FHIT: variants seen among roughly 807,000 people sequenced by gnomAD.
The protein encoded by FHIT is bis(5'-adenosyl)-triphosphatase.
A neutral mutation model predicts 17.9 loss-of-function variants in FHIT; 19 were observed. The ratio of observed to expected loss-of-function variants is 1.06; its 90% CI spans 0.74 to 1.56. The LOEUF is 1.56. Ranked by LOEUF, FHIT falls within the 40% of genes most tolerant of loss-of-function variation. The probability of loss-of-function intolerance (pLI) is 0.00; values close to 1 mark genes in which losing one functional copy is unlikely to be tolerated. For missense variants in FHIT, 248 were observed against 189.2 expected (o/e 1.31, Z -1.82); for synonymous variants, 81 against 69.7 (o/e 1.16, Z -0.81).
chr3:59,855,309 G>C (rs1485959877), intron 8 of FHIT, among the ~76,000 whole-genome samples: 1 of 152,062 alleles, frequency 6.6e-6, no homozygotes. Context: ...TATCCATGTT[G>C]TCCTCCCCCA....
At chr3:60,915,371 G>T (rs1280496589) in intron 3 of FHIT, among the ~76,000 whole-genome samples, 1 of 152,148 alleles carries the variant, frequency 6.6e-6, no homozygotes, top group East Asian at 1.9e-4. Flanking sequence ...TGGGGAAGAA[G>T]AGGGCTTATT....
chr3:60,720,460 A>T (rs2041783599), intron 4 of FHIT, among the ~76,000 whole-genome samples: 1 of 152,314 alleles, frequency 6.6e-6, no homozygotes, highest in East Asian at 1.9e-4. Context: ...ATCATTTAGC[A>T]CAGTGCCTGG....
intron 4 of FHIT, among the ~76,000 whole-genome samples, chr3:60,626,789 T>TTC (rs1315062518): frequency 1.6e-5 from 1 of 62,988 alleles, no homozygotes; most frequent in East Asian, 7.6e-4. Flanking sequence ...AACACTCTTT[T>TTC]TTTTTTTTTT....
Position 61,142,470 on chromosome 3 carries a change from G to C in FHIT, c.-164+58147C>G, listed in dbSNP as rs1396125165. 4.8e-5 allele frequency among the ~76,000 whole-genome samples: 7 copies of C among 144,366 alleles called. 1 individual carries two copies. The highest frequency in any genetic ancestry group is 1.1e-4 in the Non-Finnish European group (7 of 63,044). The allele number at this position is 144,366 out of a possible 152,430, so 94.7% of individuals were successfully genotyped here. A position where few individuals can be genotyped will look rare whatever the true frequency, so the allele number is the denominator to read the frequency against. Reference sequence around the variant, plus strand: ...TCACTGAGGTGGGAAAAAGATACCAGGGTTCTACTTTAGACTGCTAACCTG... The same window carrying C: ...TCACTGAGGTGGGAAAAAGATACCACGGTTCTACTTTAGACTGCTAACCTG... On this transcript the variant is annotated intron_variant, in intron 2 of 9. Coordinates refer to ENST00000492590, the MANE Select transcript of FHIT (RefSeq NM_002012.4).
rs1300249912 is a variant in FHIT at position 60,134,996 on chromosome 3, A to G, written c.104-120844T>C. Among the ~76,000 whole-genome samples, 7 of 152,192 alleles carry G rather than the reference A, an allele frequency of 4.6e-5. 1 individual carries two copies. Among genetic ancestry groups the G allele is most frequent in the Middle Eastern group, 6.8e-3 (2 of 294 alleles). Reference sequence around the variant, plus strand: ...AAAAAGGGGGGAGGGAGGAAAGGAGATGAAAAAGGATAGAAGAGAAAGGGA... The same window carrying G: ...AAAAAGGGGGGAGGGAGGAAAGGAGGTGAAAAAGGATAGAAGAGAAAGGGA... On this transcript the variant is annotated intron_variant, in intron 5 of 9. Coordinates refer to ENST00000492590, the MANE Select transcript of FHIT (RefSeq NM_002012.4).
chr3:60,237,844 A>G (rs1704887324), intron 5 of FHIT, among the ~76,000 whole-genome samples: 1 of 152,146 alleles, frequency 6.6e-6, no homozygotes, highest in Non-Finnish European at 1.5e-5. Context: ...GTAGAAATTA[A>G]GAATTTGTGG....
At chr3:60,706,964 G>A (rs1184737540) in intron 4 of FHIT, among the ~76,000 whole-genome samples, 1 of 152,194 alleles carries the variant, frequency 6.6e-6, no homozygotes. Flanking sequence ...CATCCAGCCT[G>A]CTCCATGCAG....
intron 8 of FHIT, among the ~76,000 whole-genome samples, chr3:59,786,860 G>T (rs1699328988): frequency 6.6e-6 from 1 of 152,232 alleles, no homozygotes. Flanking sequence ...ACACCTCATT[G>T]AAGAAATCAA....
intron 5 of FHIT, among the ~76,000 whole-genome samples, chr3:60,379,223 G>C (rs1049713552): frequency 2.0e-5 from 3 of 152,080 alleles, no homozygotes; most frequent in Admixed American, 2.0e-4. Flanking sequence ...ATATGAAATA[G>C]ATTTCATTCT....
chr3:60,802,652 T>A (rs1003195183), intron 4 of FHIT, among the ~76,000 whole-genome samples: 2 of 151,904 alleles, frequency 1.3e-5, no homozygotes, highest in African/African-American at 4.9e-5. Context: ...AAGAAACAAA[T>A]TCCTGCCCTG....
intron 5 of FHIT, among the ~76,000 whole-genome samples, chr3:60,308,009 A>T (rs1258240413): frequency 6.6e-6 from 1 of 152,162 alleles, no homozygotes; most frequent in Admixed American, 6.5e-5. Context: ...TCATAATGTC[A>T]TTTGGAGGTA....
At chr3:60,192,084 C>A (rs890617658) in intron 5 of FHIT, among the ~76,000 whole-genome samples, 6 of 151,850 alleles carry the variant, frequency 4.0e-5, no homozygotes, top group African/African-American at 1.5e-4. Flanking sequence ...AACCCTGTCT[C>A]TACCAAAAAT....
chr3:60,537,501 T>A (rs1030501723), intron 4 of FHIT: 1 of 977,102 alleles, frequency 1.0e-6, no homozygotes, highest in Non-Finnish European at 1.2e-6. Flanking sequence ...CAGAGAACTA[T>A]TCTAGTAAAA....
chr3:59,763,260 T>C (rs975390013), intron 8 of FHIT, among the ~76,000 whole-genome samples: 3 of 152,232 alleles, frequency 2.0e-5, no homozygotes, highest in African/African-American at 7.2e-5. Context: ...GGAAGCACAG[T>C]GTAGGCAAGG....
intron 8 of FHIT, among the ~76,000 whole-genome samples, chr3:59,887,808 G>A (rs1210181058): frequency 2.0e-5 from 3 of 152,088 alleles, no homozygotes; most frequent in African/African-American, 4.8e-5. Flanking sequence ...ACTCAGCAAG[G>A]GACAGCGGGA....
At chr3:59,911,459 G>T (rs1271189422) in intron 8 of FHIT, among the ~76,000 whole-genome samples, 1 of 152,100 alleles carries the variant, frequency 6.6e-6, no homozygotes, top group African/African-American at 2.4e-5. Flanking sequence ...GAGTACTGGT[G>T]GGCCTTTTAG....
At chr3:60,788,737 T>C (rs1247130590) in intron 4 of FHIT, among the ~76,000 whole-genome samples, 1 of 152,156 alleles carries the variant, frequency 6.6e-6, no homozygotes, top group African/African-American at 2.4e-5. Context: ...TTCATGCAAA[T>C]AAATACATGT....
At chr3:60,744,890 C>G (rs1425017610) in intron 4 of FHIT, among the ~76,000 whole-genome samples, 1 of 152,076 alleles carries the variant, frequency 6.6e-6, no homozygotes, top group Non-Finnish European at 1.5e-5. Flanking sequence ...TTTTAAGCAC[C>G]AAGCATTGTG....
chr3:60,435,866 G>A (rs1398958243), intron 5 of FHIT, among the ~76,000 whole-genome samples: 2 of 151,944 alleles, frequency 1.3e-5, no homozygotes, highest in Non-Finnish European at 1.5e-5. Context: ...GTGTCCATGT[G>A]TTCTCATCAT....
Sources: gnomAD v4.1 joint callset for allele counts (sites outside exome capture counted in the v4.1 genomes callset) on GRCh38, gnomAD v4.1.1 for gene constraint, MANE v1.5 for transcripts, NCBI Gene and HGNC (gene_info 2026-07-23, HGNC 2026-07-21) for gene names.